Variants in ECT2L observed in about 807,000 individuals in gnomAD.
ECT2L encodes epithelial cell-transforming sequence 2 oncogene-like.
In ECT2L, 126 loss-of-function variants were observed where a neutral mutation model predicts 122.8. That is an observed-to-expected ratio of 1.03 (90% confidence interval 0.89 to 1.19). ECT2L has a LOEUF of 1.19. Ranked by LOEUF, ECT2L falls within the 50% of genes most tolerant of loss-of-function variation. The pLI, the probability that ECT2L is intolerant of heterozygous loss-of-function variation, is 0.00. For synonymous variants in ECT2L, 385 were observed against 381.8 expected (o/e 1.01, Z -0.10); for missense variants, 1,012 against 1,064.1 (o/e 0.95, Z 0.68).
chr6:138,813,241 G>T lies in ECT2L; in HGVS notation c.-34G>T, dbSNP rs370601948. 5.7e-6 allele frequency: 9 copies of T among 1,574,852 alleles called. No homozygotes were observed. The highest frequency in any genetic ancestry group is 4.5e-5 in the East Asian group (2 of 44,572). ...GAAGTGGAAGAAAATTTGCTGAGACGTCAGCTGGGGATTCTTCCTGGAGAA... is the reference window on the plus strand; with the variant it reads ...GAAGTGGAAGAAAATTTGCTGAGACTTCAGCTGGGGATTCTTCCTGGAGAA... On this transcript the variant is annotated 5_prime_UTR_variant, in exon 3 of 22. Coordinates refer to ENST00000541398, the MANE Select transcript of ECT2L (RefSeq NM_001077706.3).
intron 4 of ECT2L, among the ~76,000 whole-genome samples, chr6:138,819,626 G>A (rs1030478296): frequency 6.6e-6 from 1 of 152,028 alleles, no homozygotes; most frequent in Non-Finnish European, 1.5e-5. Context: ...GATATCTAAA[G>A]CACTCCTAAT....
At chr6:138,883,436 G>A (rs1778709206) in intron 16 of ECT2L, among the ~76,000 whole-genome samples, 1 of 152,156 alleles carries the variant, frequency 6.6e-6, no homozygotes, top group Non-Finnish European at 1.5e-5. Flanking sequence ...ACCTTCTTAT[G>A]GGAATAACAT....
At chr6:138,828,798 T>C (rs1414883442) in intron 4 of ECT2L, among the ~76,000 whole-genome samples, 1 of 152,208 alleles carries the variant, frequency 6.6e-6, no homozygotes, top group Non-Finnish European at 1.5e-5. Flanking sequence ...CCAAAATTGA[T>C]CACTGAGTTC....
intron 16 of ECT2L, 80 bp downstream of exon 16, chr6:138,882,951 T>C (rs1325072421): frequency 6.8e-7 from 1 of 1,470,276 alleles, no homozygotes; most frequent in African/African-American, 1.4e-5. Context: ...AGACCAGCGT[T>C]AATAAGAAAG....
At chr6:138,897,762 T>C (rs941758484) in intron 20 of ECT2L, among the ~76,000 whole-genome samples, 2 of 152,186 alleles carry the variant, frequency 1.3e-5, no homozygotes, top group Non-Finnish European at 2.9e-5. Context: ...AAAGGCTCAA[T>C]TCTAAGCTCA....
rs757017637 is a variant in ECT2L, at chr6:138,902,649, G to A, written c.*22G>A. 2 of 1,612,112 alleles carry A rather than the reference G, an allele frequency of 1.2e-6. No homozygotes were observed. Among genetic ancestry groups the A allele is most frequent in the Non-Finnish European group, 1.7e-6 (2 of 1,179,276 alleles). On this transcript the variant is annotated 3_prime_UTR_variant, in exon 22 of 22. Coordinates refer to ENST00000541398, the MANE Select transcript of ECT2L (RefSeq NM_001077706.3). Reference sequence around the variant, plus strand: ...GTGAGACCGAACTTGAAAACTTCAGGGGTGCCAATTCTCCCCAGCAAAGAC... The same window carrying A: ...GTGAGACCGAACTTGAAAACTTCAGAGGTGCCAATTCTCCCCAGCAAAGAC...
chr6:138,826,329 A>C (rs1457286075), intron 4 of ECT2L, among the ~76,000 whole-genome samples: 1 of 152,232 alleles, frequency 6.6e-6, no homozygotes, highest in African/African-American at 2.4e-5. Context: ...AGCCAACAGC[A>C]AGGTAGATTG....
chr6:138,820,070 C>T (rs1402274331), intron 4 of ECT2L, among the ~76,000 whole-genome samples: 2 of 152,176 alleles, frequency 1.3e-5, no homozygotes, highest in East Asian at 3.8e-4. Context: ...AGCCATTCCA[C>T]ATTCCTCTCC....
At chr6:138,814,268 C>T (rs1775996364) in intron 3 of ECT2L, among the ~76,000 whole-genome samples, 1 of 152,174 alleles carries the variant, frequency 6.6e-6, no homozygotes, top group Non-Finnish European at 1.5e-5. Context: ...GCCAGTCTTT[C>T]CCATCAACCC....
At chr6:138,858,019 G>A (rs775541052) in intron 10 of ECT2L, among the ~76,000 whole-genome samples, 3 of 152,112 alleles carry the variant, frequency 2.0e-5, no homozygotes, top group East Asian at 1.9e-4. Flanking sequence ...GAACTCACTC[G>A]CTCTCACGAG....
At position 138,854,174 on chromosome 6, in the gene ECT2L, T is replaced by C. The variant is rs781190401; in HGVS notation, c.1198+20T>C. On this transcript the variant is annotated intron_variant, in intron 10 of 21. Coordinates refer to ENST00000541398, the MANE Select transcript of ECT2L (RefSeq NM_001077706.3). Reference sequence around the variant, plus strand: ...CATCAGGTTAGCTCAGAACACCTTATAGAGAGACAGTGGCCATGCCACTTC... The same window carrying C: ...CATCAGGTTAGCTCAGAACACCTTACAGAGAGACAGTGGCCATGCCACTTC... 5.7e-6 allele frequency: 9 copies of C among 1,591,222 alleles called. No homozygotes were observed. Among genetic ancestry groups the C allele is most frequent in the African/African-American group, 2.7e-5 (2 of 73,768 alleles).
rs182740267 is a variant in ECT2L at position 138,891,232 on chromosome 6, G to A, written c.2414+2201G>A. 1.2e-4 allele frequency among the ~76,000 whole-genome samples: 18 copies of A among 152,286 alleles called. No individual in the cohort carries two copies. The East Asian group carries it at 3.3e-3, about 28-fold the overall frequency. On this transcript the variant is annotated intron_variant, in intron 20 of 21. Transcript: ENST00000541398. ...CTAGTATAGTATCACATGGCAGATAGCAGACCCTGCAATAAATCATAGTTT... is the reference window on the plus strand; with the variant it reads ...CTAGTATAGTATCACATGGCAGATAACAGACCCTGCAATAAATCATAGTTT...
intron 20 of ECT2L, among the ~76,000 whole-genome samples, chr6:138,895,577 T>A (rs1369062217): frequency 6.7e-6 from 1 of 150,054 alleles, no homozygotes; most frequent in Non-Finnish European, 1.5e-5. Flanking sequence ...ATATATATAT[T>A]TTTCTTTTTC....
intron 16 of ECT2L, among the ~76,000 whole-genome samples, chr6:138,884,759 T>C (rs1395881917): frequency 5.9e-5 from 9 of 152,324 alleles, no homozygotes; most frequent in Admixed American, 3.9e-4. Context: ...GTCAAGATCT[T>C]ACTATACTGA....
chr6:138,837,770 A>G (rs1271339310), intron 4 of ECT2L, among the ~76,000 whole-genome samples: 2 of 152,130 alleles, frequency 1.3e-5, no homozygotes, highest in African/African-American at 4.8e-5. Context: ...TTGATAGTGA[A>G]AAGGTTTTAT....
At chr6:138,812,485 G>A (rs1310050509) in intron 1 of ECT2L, among the ~76,000 whole-genome samples, 3 of 152,194 alleles carry the variant, frequency 2.0e-5, no homozygotes, top group African/African-American at 7.2e-5. Flanking sequence ...ATGGGCAGGT[G>A]GAATGTCACC....
In ECT2L at chr6:138,885,792, A is replaced by G; in HGVS notation, c.2221A>G (p.Ile741Val). ...HVDRGDLTTAIDQIKKYKGYI... is the reference protein window; with the variant it reads ...HVDRGDLTTAVDQIKKYKGYI... ...TGACCGTGGGGACTTGACCACTGCA[A>G]TTGACCAAATCAAAAAATATAAAGG... Residue 741 changes from isoleucine (I) to valine (V), a missense_variant, in exon 18 of 22, where the codon ATT becomes GTT. Physicochemically the swap from Ile to Val is conservative, Grantham distance 29. Transcript: ENST00000541398. The G allele has an allele frequency of 6.2e-7, 1 of 1,614,200 alleles. No individual in the cohort carries two copies. Among genetic ancestry groups the G allele is most frequent in the Non-Finnish European group, 8.5e-7 (1 of 1,180,018 alleles).
At chr6:138,835,912 G>T (rs979424945) in intron 4 of ECT2L, among the ~76,000 whole-genome samples, 14 of 152,310 alleles carry the variant, frequency 9.2e-5, no homozygotes, top group African/African-American at 3.4e-4. Flanking sequence ...TGGAGCAAAT[G>T]CTCAGGTTTT....
At position 138,865,065 on chromosome 6, in the gene ECT2L, T is replaced by TTC; in HGVS notation, c.1361_1362insTC (p.Gln455HisfsTer11). On this transcript the variant is annotated frameshift_variant, in exon 12 of 22. Transcript: ENST00000541398. LOFTEE classifies it high-confidence loss of function. Reference sequence around the variant, plus strand: ...TCCATCTACTTCTGCGAATCGAAGCTACAGACGTGGTCCAGCTTCACAGAC... The same window carrying TTC: ...TCCATCTACTTCTGCGAATCGAAGCTTCACAGACGTGGTCCAGCTTCACAGAC... 6.2e-7 allele frequency: 1 copy of TTC among 1,614,146 alleles called. No homozygotes were observed. The highest frequency in any genetic ancestry group is 1.1e-5 in the South Asian group (1 of 91,076).
Sources: allele counts gnomAD v4.1 joint callset (sites outside exome capture counted in the v4.1 genomes callset), GRCh38; gene constraint gnomAD v4.1.1; transcripts MANE v1.5; gene names NCBI Gene and HGNC (gene_info 2026-07-23, HGNC 2026-07-21).